The following TTBK2 variants were observed in gnomAD, a reference collection of about 807,000 sequenced individuals.
TTBK2 encodes tau-tubulin kinase 2.
In TTBK2, 28 loss-of-function variants were observed where a neutral mutation model predicts 110.8. The observed-to-expected ratio is 0.25, with a 90% confidence interval of 0.19 to 0.35. The LOEUF (loss-of-function observed/expected upper bound fraction) is 0.35, where lower values mean the gene tolerates loss of function less well. Ranked by LOEUF, TTBK2 falls within the 10% of genes least tolerant of loss-of-function variation. The pLI is 1.00. For synonymous variants in TTBK2, 532 were observed against 527.3 expected (o/e 1.01, Z -0.12); for missense variants, 1,369 against 1,500.3 (o/e 0.91, Z 1.45).
intron 2 of TTBK2, 131 bp downstream of exon 2, chr15:42,878,418 T>C (rs1045479662): frequency 2.2e-5 from 34 of 1,514,944 alleles, no homozygotes; most frequent in Non-Finnish European, 2.6e-5. Flanking sequence ...TTTAGGCATA[T>C]AAGTAATGTA....
In TTBK2 at chr15:42,773,896, A is replaced by C. The variant is rs372235176; in HGVS notation, c.1998+1239T>G. 2.2e-4 allele frequency among the ~76,000 whole-genome samples: 33 copies of C among 152,320 alleles called. No individual in the cohort carries two copies. In the South Asian group the frequency reaches 6.0e-3, roughly 28 times the overall value. On this transcript the variant is annotated intron_variant, in intron 13 of 14. Transcript: ENST00000267890. ...GGAAAAGAATGCCCTTCCAAAAGGA[A>C]ACAGCCCTGTGCCAAGATGCACAGT... is the stretch of plus-strand genomic sequence containing the variant.
chr15:42,815,958 A>AAATATAT (rs71108183), intron 7 of TTBK2, among the ~76,000 whole-genome samples: 3 of 91,716 alleles, frequency 3.3e-5, no homozygotes, highest in Admixed American at 1.3e-4. Flanking sequence ...TTAAAAAAAA[A>AAATATAT]ATATATATAT....
intron 1 of TTBK2, among the ~76,000 whole-genome samples, chr15:42,882,560 G>T (rs1895089183): frequency 6.6e-6 from 1 of 151,972 alleles, no homozygotes; most frequent in South Asian, 2.1e-4. Flanking sequence ...GTTGCAGTGA[G>T]CCAAGATTGC....
chr15:42,782,307 G>T (rs766011955), intron 11 of TTBK2, among the ~76,000 whole-genome samples: 2 of 152,074 alleles, frequency 1.3e-5, no homozygotes, highest in Admixed American at 6.6e-5. Context: ...CCTGACTTCA[G>T]GTGATCCGCC....
intron 1 of TTBK2, among the ~76,000 whole-genome samples, chr15:42,918,585 T>C (rs774991047): frequency 2.0e-5 from 3 of 152,182 alleles, no homozygotes; most frequent in Non-Finnish European, 4.4e-5. Flanking sequence ...GTAATATTCA[T>C]TTACTTTGAA....
At chr15:42,866,261 G>A (rs1276344290) in intron 3 of TTBK2, among the ~76,000 whole-genome samples, 1 of 151,948 alleles carries the variant, frequency 6.6e-6, no homozygotes, top group East Asian at 1.9e-4. Flanking sequence ...AACCTAGTGA[G>A]TACATCTCCA....
chr15:42,910,351 C>G (rs1302311148), intron 1 of TTBK2, among the ~76,000 whole-genome samples: 2 of 152,008 alleles, frequency 1.3e-5, no homozygotes, highest in Admixed American at 6.6e-5. Context: ...CTTAGAAGCA[C>G]GCACACAATT....
chr15:42,857,564 C>T (rs1268917674), intron 3 of TTBK2: 1 of 151,822 alleles, frequency 6.6e-6, no homozygotes, highest in Admixed American at 6.6e-5. Flanking sequence ...GAAAGAAAAA[C>T]TGAGAACGTG....
At chr15:42,860,750 CCGCTT>C (rs1294335275) in intron 3 of TTBK2, among the ~76,000 whole-genome samples, 16 of 150,398 alleles carry the variant, frequency 1.1e-4, no homozygotes, top group Non-Finnish European at 2.4e-4. Flanking sequence ...ACTGCAACCT[CCGCTT>C]CCCAGGTTCA....
intron 6 of TTBK2, among the ~76,000 whole-genome samples, chr15:42,824,456 G>A (rs781501823): frequency 3.3e-5 from 5 of 152,022 alleles, no homozygotes; most frequent in African/African-American, 7.3e-5. Flanking sequence ...GAAGGTACAC[G>A]GTAACTGTAC....
At chr15:42,888,369 G>A (rs1024539467) in intron 1 of TTBK2, among the ~76,000 whole-genome samples, 5 of 151,708 alleles carry the variant, frequency 3.3e-5, no homozygotes, top group African/African-American at 4.8e-5. Flanking sequence ...CCTGACCCCC[G>A]TGACTGTATC....
Position 42,911,517 on chromosome 15 carries a change from T to C in TTBK2, c.-68+8921A>G, listed in dbSNP as rs1254164747. On this transcript the variant is annotated intron_variant, in intron 1 of 14. Coordinates refer to ENST00000267890, the MANE Select transcript of TTBK2 (RefSeq NM_173500.4). The stretch of plus-strand genomic sequence containing the variant: ...TGGCCATGTGATTTGTTTTGGCCAA[T>C]GGGACATTAGCAAACATGACCCAGA... Among the ~76,000 whole-genome samples the C allele has an allele frequency of 2.6e-5, 4 of 152,204 alleles. No individual in the cohort carries two copies. In the East Asian group the frequency reaches 7.7e-4, roughly 29 times the overall value.
rs1192958452 is a variant in TTBK2 at position 42,811,743 on chromosome 15, T to A, written c.641A>T (p.Tyr214Phe). Residue 214 changes from tyrosine (Y) to phenylalanine (F), a missense_variant, in exon 8 of 15, where the codon TAC becomes TTC. Tyr to Phe is a conservative substitution (Grantham distance 22). Around this residue, in one of 4 missense-constraint regions of TTBK2, gnomAD observed 138 missense variants for 179.0 expected, o/e 0.77. Transcript: ENST00000267890. ...GRHDDLWSLF[Y>F]MLVEFVVGQL... Reference sequence around the variant, plus strand: ...ACCAACCACAAACTCCACCAACATGTAGAATAAGGACCAAAGGTCATCATG... The same window carrying A: ...ACCAACCACAAACTCCACCAACATGAAGAATAAGGACCAAAGGTCATCATG... 1 of 1,613,744 alleles carries A rather than the reference T, an allele frequency of 6.2e-7. No individual in the cohort carries two copies. The highest frequency in any genetic ancestry group is 8.5e-7 in the Non-Finnish European group (1 of 1,179,820).
intron 3 of TTBK2, among the ~76,000 whole-genome samples, chr15:42,860,298 C>T (rs1440694652): frequency 6.6e-6 from 1 of 151,892 alleles, no homozygotes; most frequent in Non-Finnish European, 1.5e-5. Flanking sequence ...ACCCCAAAAA[C>T]CTACATCTAA....
intron 3 of TTBK2, chr15:42,857,590 G>A (rs1487999880): frequency 1.3e-5 from 2 of 151,986 alleles, no homozygotes; most frequent in African/African-American, 4.8e-5. Flanking sequence ...CCTCTCCAAT[G>A]AGTCTCTAAT....
intron 7 of TTBK2, among the ~76,000 whole-genome samples, chr15:42,816,526 C>T (rs758670449): frequency 3.9e-5 from 6 of 151,984 alleles, no homozygotes; most frequent in African/African-American, 1.5e-4. Flanking sequence ...TACACTATAC[C>T]GTGCATTAGT....
At chr15:42,766,942 C>T (rs1236290658) in intron 13 of TTBK2, among the ~76,000 whole-genome samples, 4 of 152,168 alleles carry the variant, frequency 2.6e-5, no homozygotes, top group Non-Finnish European at 5.9e-5. Flanking sequence ...TCTCTCAGAC[C>T]ACAGTGCAAT....
intron 13 of TTBK2, among the ~76,000 whole-genome samples, chr15:42,763,149 T>TATATAA (rs1567008719): frequency 1.7e-5 from 1 of 60,442 alleles, no homozygotes; most frequent in African/African-American, 1.2e-4. Flanking sequence ...CATACATATA[T>TATATAA]ATATATACAT....
chr15:42,783,710 C>A, intron 10 of TTBK2, 75 bp from the exon 11 acceptor site: 582 of 958,900 alleles, frequency 6.1e-4, no homozygotes, highest in Non-Finnish European at 9.1e-4. Context: ...TTTATTTCTT[C>A]ATTTAAATGA....
Sources: gnomAD v4.1 joint callset for allele counts (sites outside exome capture counted in the v4.1 genomes callset) on GRCh38, gnomAD v4.1.1 for gene constraint, gnomAD v4.1.1 regional missense constraint, MANE v1.5 for transcripts, NCBI Gene and HGNC (gene_info 2026-07-23, HGNC 2026-07-21) for gene names.